Variants in ANTXR2 observed in about 807,000 individuals in gnomAD.
ANTXR2 encodes the protein anthrax toxin receptor 2.
A neutral mutation model predicts 73.7 loss-of-function variants in ANTXR2; 44 were observed. The ratio of observed to expected loss-of-function variants is 0.60; its 90% confidence interval spans 0.47 to 0.77. The LOEUF is 0.77. ANTXR2 is among the 30% of genes least tolerant of loss of function. The pLI is 0.00. For missense variants in ANTXR2, 604 were observed against 592.5 expected (o/e 1.02, Z -0.20); for synonymous variants, 217 against 205.9 (o/e 1.05, Z -0.46).
intron 3 of ANTXR2, among the ~76,000 whole-genome samples, chr4:80,067,502 G>A (rs879664242): frequency 6.6e-6 from 1 of 152,178 alleles, no homozygotes; most frequent in Non-Finnish European, 1.5e-5. Flanking sequence ...TCTATATATA[G>A]GAATGCCATA....
chr4:80,033,665 A>T (rs1560414338), intron 8 of ANTXR2, 95 bp from the exon 9 acceptor site: 2 of 891,490 alleles, frequency 2.2e-6, no homozygotes. Context: ...GCAAAGAATA[A>T]TTTTTTTCAT....
intron 16 of ANTXR2, among the ~76,000 whole-genome samples, chr4:79,923,501 C>T (rs1228009677): frequency 1.3e-5 from 2 of 151,948 alleles, no homozygotes; most frequent in African/African-American, 4.8e-5. Context: ...AAGTAGGCAT[C>T]GGAGAGGAGC....
At chr4:80,053,784 A>T (rs1315957616) in intron 7 of ANTXR2, among the ~76,000 whole-genome samples, 1 of 151,722 alleles carries the variant, frequency 6.6e-6, no homozygotes, top group Non-Finnish European at 1.5e-5. Context: ...CCAAACAGAA[A>T]TATTATGTGC....
At chr4:79,921,690 A>C (rs1231109485) in intron 16 of ANTXR2, among the ~76,000 whole-genome samples, 4 of 152,060 alleles carry the variant, frequency 2.6e-5, no homozygotes, top group Non-Finnish European at 5.9e-5. Context: ...TTTTTTATGA[A>C]AAATATGCCT....
chr4:80,004,875 A>C (rs1445579741), intron 12 of ANTXR2, among the ~76,000 whole-genome samples: 1 of 151,978 alleles, frequency 6.6e-6, no homozygotes, highest in South Asian at 2.1e-4. Context: ...CTTCCTCTCC[A>C]GGAGAATTAC....
chr4:79,949,050 C>T (rs991060171), intron 16 of ANTXR2, among the ~76,000 whole-genome samples: 1 of 152,000 alleles, frequency 6.6e-6, no homozygotes, highest in Non-Finnish European at 1.5e-5. Flanking sequence ...AAAATATTAC[C>T]TCTTAATAAA....
At chr4:79,937,669 A>G (rs1728325659) in intron 16 of ANTXR2, among the ~76,000 whole-genome samples, 1 of 152,240 alleles carries the variant, frequency 6.6e-6, no homozygotes, top group African/African-American at 2.4e-5. Flanking sequence ...TATATTGAGC[A>G]TCAATTATGT....
At chr4:80,026,510 G>A (rs1354117642) in intron 10 of ANTXR2, among the ~76,000 whole-genome samples, 3 of 151,664 alleles carry the variant, frequency 2.0e-5, no homozygotes, top group African/African-American at 7.2e-5. Flanking sequence ...AGATATATAA[G>A]AGGATTTAAG....
chr4:80,026,565 T>C (rs1389381040), intron 10 of ANTXR2, among the ~76,000 whole-genome samples: 1 of 152,238 alleles, frequency 6.6e-6, no homozygotes, highest in African/African-American at 2.4e-5. Context: ...TAGGTGTCCA[T>C]CTTTAAATAC....
chr4:79,921,627 C>A (rs953136749), intron 16 of ANTXR2, among the ~76,000 whole-genome samples: 1 of 151,896 alleles, frequency 6.6e-6, no homozygotes, highest in Non-Finnish European at 1.5e-5. Context: ...GTTTTTGAAG[C>A]TTTATTTTGA....
chr4:79,918,507 T>C (rs561614320), intron 16 of ANTXR2, among the ~76,000 whole-genome samples: 2 of 152,060 alleles, frequency 1.3e-5, no homozygotes, highest in African/African-American at 4.8e-5. Flanking sequence ...AGCACGACAG[T>C]TGACTTTTTA....
At chr4:79,929,835 A>G (rs1427341446) in intron 16 of ANTXR2, among the ~76,000 whole-genome samples, 1 of 152,218 alleles carries the variant, frequency 6.6e-6, no homozygotes, top group East Asian at 1.9e-4. Context: ...TAGTTTTCCG[A>G]CAACAAGAGC....
rs559112676 is a variant in ANTXR2 at position 80,046,943 on chromosome 4, G to A, written c.636+7329C>T. 8.6e-5 allele frequency among the ~76,000 whole-genome samples: 13 copies of A among 151,788 alleles called. No homozygotes were observed. The South Asian group carries it at 2.7e-3, about 32-fold the overall frequency. On this transcript the variant is annotated intron_variant, in intron 7 of 16. Transcript: ENST00000403729. ...ATGTACACCAAATGGTACATTTGGT[G>A]ACAAATATTAACCATTTTCTGCACC...
At position 79,977,694 on chromosome 4, in the gene ANTXR2, A is replaced by G. The variant is rs773599236; in HGVS notation, c.1355T>C (p.Leu452Pro). The change falls in exon 16 of 17, where the codon CTT becomes CCT. Residue 452 changes from leucine (L) to proline (P), a missense_variant. Physicochemically the swap from Leu to Pro is moderately conservative, Grantham distance 98. Transcript: ENST00000403729. ...CCTCAACAAAGCCCAGAGAGCATCA[A>G]GACGACCCTAAGGGAAAATGAGATT... ...TKWYTPIKGR[L>P]DALWALLRRQ... 105 of 1,574,650 alleles carry G rather than the reference A, an allele frequency of 6.7e-5. No homozygotes were observed. Among genetic ancestry groups the G allele is most frequent in the Non-Finnish European group, 8.5e-5 (99 of 1,159,366 alleles).
At chr4:79,955,829 A>G (rs933983236) in intron 16 of ANTXR2, among the ~76,000 whole-genome samples, 4 of 152,146 alleles carry the variant, frequency 2.6e-5, no homozygotes, top group Non-Finnish European at 4.4e-5. Flanking sequence ...TCTTTCCAAT[A>G]TGCCACCAAG....
In ANTXR2 at chr4:79,978,065, G is replaced by C; in HGVS notation, c.1289C>G (p.Pro430Arg). The C allele has an allele frequency of 6.2e-7, 1 of 1,613,648 alleles. No homozygotes were observed. Among genetic ancestry groups the C allele is most frequent in the East Asian group, 2.2e-5 (1 of 44,868 alleles). The change falls in exon 15 of 17, where the codon CCA becomes CGA. Residue 430 changes from proline to arginine, a missense_variant. Coordinates refer to ENST00000403729, the MANE Select transcript of ANTXR2 (RefSeq NM_058172.6). ...CTGGTGTGTGGGTTTGGGTCGAGGT[G>C]GTCTAGGCCTGATGGGTTCCTCTGT... The part of the protein sequence containing the change: ...EETEEPIRPR[P>R]PRPKPTHQPP...
chr4:79,917,670 A>C (rs1157802474), intron 16 of ANTXR2, among the ~76,000 whole-genome samples: 1 of 152,184 alleles, frequency 6.6e-6, no homozygotes, highest in African/African-American at 2.4e-5. Context: ...GAAAGCTACT[A>C]GTGAACTAAA....
intron 2 of ANTXR2, 111 bp downstream of exon 2, chr4:80,071,472 T>C (rs1347512291): frequency 4.4e-6 from 4 of 903,908 alleles, no homozygotes; most frequent in Admixed American, 4.1e-5. Flanking sequence ...CTTGAGGCAC[T>C]TAAAAGTAAC....
chr4:80,059,795 C>T (rs1228688892), intron 3 of ANTXR2, among the ~76,000 whole-genome samples: 1 of 151,988 alleles, frequency 6.6e-6, no homozygotes, highest in East Asian at 1.9e-4. Context: ...AAAATAGCCA[C>T]CACAACTGCC....
Sources: gnomAD v4.1 joint callset for allele counts (sites outside exome capture counted in the v4.1 genomes callset) on GRCh38, gnomAD v4.1.1 for gene constraint, MANE v1.5 for transcripts, NCBI Gene and HGNC (gene_info 2026-07-23, HGNC 2026-07-21) for gene names.